SRD5A2: variants seen among roughly 807,000 people sequenced by gnomAD.
The protein encoded by SRD5A2 is 3-oxo-5-alpha-steroid 4-dehydrogenase 2.
A neutral mutation model predicts 27.4 loss-of-function variants in SRD5A2; 30 were observed. That is an observed-to-expected ratio of 1.10 (90% CI 0.82 to 1.49). SRD5A2 has a LOEUF of 1.49. SRD5A2 is among the 40% of genes most tolerant of loss of function. The pLI, the probability that SRD5A2 is intolerant of heterozygous loss-of-function variation, is 0.00. For missense variants in SRD5A2, 348 were observed against 323.4 expected (o/e 1.08, Z -0.58); for synonymous variants, 141 against 133.6 (o/e 1.06, Z -0.38).
At chr2:31,656,701 C>G in the SRD5A2 span, among the ~76,000 whole-genome samples, 1 of 152,150 alleles carries the variant, frequency 6.6e-6, no homozygotes, top group African/African-American at 2.4e-5. Flanking sequence ...ACTGAACCTA[C>G]AGTCACCTTG....
the SRD5A2 span, among the ~76,000 whole-genome samples, chr2:31,624,599 C>T: frequency 1.3e-5 from 2 of 152,054 alleles, no homozygotes; most frequent in African/African-American, 2.4e-5. Flanking sequence ...TGAGTGAGAA[C>T]ATGCGGTGTT....
chr2:31,552,980 AAAG>A (rs1666411071), intron 1 of SRD5A2, among the ~76,000 whole-genome samples: 1 of 152,198 alleles, frequency 6.6e-6, no homozygotes. Flanking sequence ...TACTTATCAT[AAAG>A]AAGTTTAATG....
At chr2:31,536,026 T>C (rs1363157616) in intron 1 of SRD5A2, among the ~76,000 whole-genome samples, 1 of 152,218 alleles carries the variant, frequency 6.6e-6, no homozygotes, top group Non-Finnish European at 1.5e-5. Flanking sequence ...ACTACTGTTT[T>C]ATGAGAATCA....
upstream of SRD5A2, among the ~76,000 whole-genome samples, chr2:31,585,148 A>C (rs916753198): frequency 6.6e-6 from 1 of 152,192 alleles, no homozygotes; most frequent in Non-Finnish European, 1.5e-5. Context: ...CAGCAGTCAG[A>C]ATTTCAGTTC....
At chr2:31,611,165 C>A in the SRD5A2 span, among the ~76,000 whole-genome samples, 2 of 151,958 alleles carry the variant, frequency 1.3e-5, no homozygotes, top group East Asian at 1.9e-4. Context: ...AACTTCTAGA[C>A]ATACACTTTC....
In SRD5A2 at chr2:31,523,427, G is replaced by C. The variant is rs1315284709; in HGVS notation, c.*2769C>G. 6 of 218,732 alleles carry C rather than the reference G, an allele frequency of 2.7e-5. No homozygotes were observed. Among genetic ancestry groups the C allele is most frequent in the Non-Finnish European group, 5.5e-5 (6 of 109,036 alleles). The allele number at this position is 218,732 out of a possible 1,614,324, so 13.5% of individuals were successfully genotyped here. On this transcript the variant is annotated 3_prime_UTR_variant, in exon 5 of 5. Transcript: ENST00000622030. ...GAAGCATACATCTGACCCTCAAAGG[G>C]ACAAAATGAGATGGCTGCTCTGACC... is the stretch of plus-strand genomic sequence containing the variant.
chr2:31,596,469 T>C, the SRD5A2 span, among the ~76,000 whole-genome samples: 4 of 148,668 alleles, frequency 2.7e-5, no homozygotes, highest in Non-Finnish European at 5.9e-5. Context: ...CTATTTAACA[T>C]AGTACTGGAA....
intron 1 of SRD5A2, among the ~76,000 whole-genome samples, chr2:31,572,212 G>A (rs1313199891): frequency 3.9e-5 from 6 of 152,144 alleles, no homozygotes; most frequent in East Asian, 3.8e-4. Flanking sequence ...CATAGAAACT[G>A]AAAACCAACT....
At chr2:31,582,931 T>C (rs1222292516), upstream of SRD5A2, among the ~76,000 whole-genome samples, 1 of 151,910 alleles carries the variant, frequency 6.6e-6, no homozygotes, top group Non-Finnish European at 1.5e-5. Flanking sequence ...AATGGAATAT[T>C]TTTTTAAATG....
At chr2:31,549,774 A>G (rs1288796081) in intron 1 of SRD5A2, among the ~76,000 whole-genome samples, 1 of 152,202 alleles carries the variant, frequency 6.6e-6, no homozygotes, top group Non-Finnish European at 1.5e-5. Context: ...TAGATCTACT[A>G]TTAAAGCTGA....
chr2:31,546,754 T>C (rs1047821143), intron 1 of SRD5A2, among the ~76,000 whole-genome samples: 2 of 152,064 alleles, frequency 1.3e-5, no homozygotes, highest in African/African-American at 4.8e-5. Context: ...AACTTACCCA[T>C]GTAATAAACC....
At chr2:31,604,977 G>A in the SRD5A2 span, among the ~76,000 whole-genome samples, 1 of 151,762 alleles carries the variant, frequency 6.6e-6, no homozygotes, top group Non-Finnish European at 1.5e-5. Context: ...GAATGGAATA[G>A]AGAACCTAGA....
intron 1 of SRD5A2, among the ~76,000 whole-genome samples, chr2:31,542,293 C>A (rs1381430593): frequency 6.6e-6 from 1 of 151,986 alleles, no homozygotes; most frequent in African/African-American, 2.4e-5. Flanking sequence ...TACTACATAC[C>A]CAAAAAATAA....
rs770701370 is a variant in SRD5A2, at chr2:31,580,926, G to A, written c.-26C>T. ...CGCGCCGTGTTCCTCGCCGGTGGCCGCTGCCCTCCCAGAAGAGAGCGCGGC... is the reference window on the plus strand; with the variant it reads ...CGCGCCGTGTTCCTCGCCGGTGGCCACTGCCCTCCCAGAAGAGAGCGCGGC... On this transcript the variant is annotated 5_prime_UTR_variant, in exon 1 of 5. Transcript: ENST00000622030. 15 of 1,583,590 alleles carry A rather than the reference G, an allele frequency of 9.5e-6. No homozygotes were observed. The highest frequency in any genetic ancestry group is 1.3e-5 in the Non-Finnish European group (15 of 1,164,186).
intron 1 of SRD5A2, among the ~76,000 whole-genome samples, chr2:31,560,579 G>A (rs972259206): frequency 2.0e-5 from 3 of 152,172 alleles, no homozygotes; most frequent in African/African-American, 7.2e-5. Context: ...TGAAAAACCT[G>A]CATCAGCACT....
chr2:31,527,176 T>C (rs1237854740), intron 4 of SRD5A2: 1 of 152,146 alleles, frequency 6.6e-6, no homozygotes, highest in Non-Finnish European at 1.5e-5. Context: ...TTTGTGGTAA[T>C]GTATTGCAGC....
chr2:31,640,816 G>T, the SRD5A2 span, among the ~76,000 whole-genome samples: 1 of 151,954 alleles, frequency 6.6e-6, no homozygotes, highest in East Asian at 1.9e-4. Flanking sequence ...TGTCCTCAGA[G>T]ATATTTCTCT....
At chr2:31,660,540 G>T in the SRD5A2 span, among the ~76,000 whole-genome samples, 1 of 152,092 alleles carries the variant, frequency 6.6e-6, no homozygotes, top group East Asian at 1.9e-4. Flanking sequence ...TGATTATGCT[G>T]TGTCAATGTA....
chr2:31,626,601 C>T, the SRD5A2 span, among the ~76,000 whole-genome samples: 1 of 152,158 alleles, frequency 6.6e-6, no homozygotes, highest in Admixed American at 6.6e-5. Flanking sequence ...TTTTCTGCAT[C>T]TATTGAGATA....
Sources: gnomAD v4.1 joint callset for allele counts (sites outside exome capture counted in the v4.1 genomes callset) on GRCh38, gnomAD v4.1.1 for gene constraint, MANE v1.5 for transcripts, NCBI Gene and HGNC (gene_info 2026-07-23, HGNC 2026-07-21) for gene names.